The following RNF220 variants were observed in gnomAD, a reference collection of about 807,000 sequenced individuals.
RNF220 encodes the protein E3 ubiquitin-protein ligase RNF220.
Under a neutral mutation model 67.1 loss-of-function variants are expected in RNF220, and 7 were observed. The observed-to-expected ratio is 0.10, with a 90% CI of 0.06 to 0.20. The LOEUF is 0.20. Among genes scored for constraint, RNF220 ranks in the 10% least tolerant of loss-of-function variants. RNF220 has a pLI of 1.00. For synonymous variants in RNF220, 270 were observed against 283.2 expected (o/e 0.95, Z 0.47); for missense variants, 565 against 740.3 (o/e 0.76, Z 2.75).
chr1:44,597,445 G>A (rs572254815), intron 2 of RNF220, among the ~76,000 whole-genome samples: 2 of 145,148 alleles, frequency 1.4e-5, no homozygotes, highest in East Asian at 2.0e-4. Flanking sequence ...ATACATACAC[G>A]CCCTTCTCTC....
chr1:44,541,954 C>T (rs1301351636), intron 2 of RNF220, among the ~76,000 whole-genome samples: 1 of 152,200 alleles, frequency 6.6e-6, no homozygotes, highest in Non-Finnish European at 1.5e-5. Flanking sequence ...GGAGCAAGAC[C>T]TTTGCATCTC....
At chr1:44,625,630 C>G (rs1203171965) in intron 4 of RNF220, among the ~76,000 whole-genome samples, 1 of 152,074 alleles carries the variant, frequency 6.6e-6, no homozygotes, top group Non-Finnish European at 1.5e-5. Flanking sequence ...CTGAACAGGC[C>G]TTGGCAAGAG....
Position 44,622,738 on chromosome 1 carries a change from G to A in RNF220, c.759-4G>A. The A allele has an allele frequency of 6.2e-7, 1 of 1,613,674 alleles. No individual in the cohort carries two copies. Among genetic ancestry groups the A allele is most frequent in the Non-Finnish European group, 8.5e-7 (1 of 1,179,646 alleles). On this transcript the variant is annotated splice_region_variant and splice_polypyrimidine_tract_variant and intron_variant, in intron 3 of 14. Transcript: ENST00000361799. This position sits in a 1 kb window ranked among gnomAD's most constrained non-coding sequence, Gnocchi z 4.3. Reference sequence around the variant, plus strand: ...GGTTACCCTGTTCTCTTCTTTCTTGGCAGCAAGAATTCCCTTCTGAAGGAT... The same window carrying A: ...GGTTACCCTGTTCTCTTCTTTCTTGACAGCAAGAATTCCCTTCTGAAGGAT...
rs145858554 is a variant in RNF220 at position 44,412,311 on chromosome 1, A to G, written c.214A>G (p.Met72Val). ...FTNGSYTFASMYHRQGGVPGT... is the reference protein window; with the variant it reads ...FTNGSYTFASVYHRQGGVPGT... ...CAACGGTTCCTATACCTTTGCCTCT[A>G]TGTACCATCGGCAAGGTGGGGTGCC... Residue 72 changes from methionine (M) to valine (V), a missense_variant, in exon 2 of 15, where the codon ATG becomes GTG. Physicochemically the swap from Met to Val is conservative, Grantham distance 21 (BLOSUM62 1). Transcript: ENST00000361799. The surrounding 1 kb of genome is among the most constrained non-coding windows in gnomAD (Gnocchi z 5.3). The G allele has an allele frequency of 2.7e-5, 44 of 1,614,100 alleles. No individual in the cohort carries two copies. In the African/African-American group the frequency reaches 4.7e-4, roughly 17 times the overall value.
intron 2 of RNF220, among the ~76,000 whole-genome samples, chr1:44,581,303 ATTAGCCTGT>A (rs1005222212): frequency 3.9e-5 from 6 of 152,226 alleles, no homozygotes; most frequent in African/African-American, 1.4e-4. Context: ...ATCAGGATTC[ATTAGCCTGT>A]TTCAGCCTCT....
chr1:44,461,597 T>TA lies in RNF220; in HGVS notation c.625+48876dup, dbSNP rs368779684. Among the ~76,000 whole-genome samples, 849 of 152,276 alleles carry TA rather than the reference T, an allele frequency of 5.6e-3. 4 individuals carry two copies. Among genetic ancestry groups the TA allele is most frequent in the Non-Finnish European group, 8.1e-3 (549 of 68,034 alleles). ...CGGTCTCTTCTGTGTAGAGTTAACT[T>TA]ACTCCTGCCTGTCCTGGTATATAAA... On this transcript the variant is annotated intron_variant, in intron 2 of 14. Coordinates refer to ENST00000361799, the MANE Select transcript of RNF220 (RefSeq NM_018150.4).
chr1:44,409,949 GA>G (rs1358259262), intron 1 of RNF220, among the ~76,000 whole-genome samples: 1 of 152,196 alleles, frequency 6.6e-6, no homozygotes, highest in African/African-American at 2.4e-5. Flanking sequence ...CCCACGCAAT[GA>G]AGTAAAAGAG....
Position 44,651,141 on chromosome 1 carries a change from T to C in RNF220, c.*366T>C, listed in dbSNP as rs953668049. On this transcript the variant is annotated 3_prime_UTR_variant, in exon 15 of 15. Coordinates refer to ENST00000361799, the MANE Select transcript of RNF220 (RefSeq NM_018150.4). ...CATGCAAACACCAGACTGAAGCACA[T>C]GTAATATAGACCGTGTATGTTTACA... is the stretch of plus-strand genomic sequence containing the variant. 4 of 344,164 alleles carry C rather than the reference T, an allele frequency of 1.2e-5. No individual in the cohort carries two copies. The highest frequency in any genetic ancestry group is 2.3e-5 in the Non-Finnish European group (4 of 175,052). The allele number at this position is 344,164 out of a possible 1,614,324, so 21.3% of individuals were successfully genotyped here.
At chr1:44,599,393 T>A (rs1666763936) in intron 2 of RNF220, among the ~76,000 whole-genome samples, 1 of 152,100 alleles carries the variant, frequency 6.6e-6, no homozygotes. Context: ...ATAAATAGGG[T>A]CAGGCGCGGT....
rs143243310 is a variant in RNF220 at position 44,620,772 on chromosome 1, T to TTGTG, written c.759-1969_759-1966dup. Among the ~76,000 whole-genome samples the TTGTG allele has an allele frequency of 2.2e-3, 340 of 152,342 alleles. 1 individual carries two copies. Among genetic ancestry groups the TTGTG allele is most frequent in the African/African-American group, 7.7e-3 (321 of 41,580 alleles). On this transcript the variant is annotated intron_variant, in intron 3 of 14. Coordinates refer to ENST00000361799, the MANE Select transcript of RNF220 (RefSeq NM_018150.4). ...CTGGGATATACATATGTTATGTGTG[T>TTGTG]TGTGCATCTGTGTCTACATTTGTGG...
At chr1:44,495,637 T>G (rs1385714637) in intron 2 of RNF220, among the ~76,000 whole-genome samples, 4 of 152,248 alleles carry the variant, frequency 2.6e-5, no homozygotes, top group Non-Finnish European at 5.9e-5. Context: ...GGTTTCACCA[T>G]GTTGACCAGG....
chr1:44,534,365 G>A lies in RNF220; in HGVS notation c.626-79800G>A, dbSNP rs140328665. ...ATACTTTAAGTTTTAGGGTACATGC[G>A]CACAGTGTGCAGGTTTGTTACATAT... On this transcript the variant is annotated intron_variant, in intron 2 of 14. Transcript: ENST00000361799. Among the ~76,000 whole-genome samples the A allele has an allele frequency of 5.2e-3, 794 of 151,384 alleles. 4 individuals are homozygous for A. Among genetic ancestry groups the A allele is most frequent in the African/African-American group, 0.018 (756 of 41,200 alleles).
At chr1:44,607,194 T>C (rs568617647) in intron 2 of RNF220, among the ~76,000 whole-genome samples, 1 of 152,376 alleles carries the variant, frequency 6.6e-6, no homozygotes, top group African/African-American at 2.4e-5. Flanking sequence ...ACAGCCTTCC[T>C]GCACTTGCTC....
At position 44,650,845 on chromosome 1, in the gene RNF220, C is replaced by T; in HGVS notation, c.*70C>T. On this transcript the variant is annotated 3_prime_UTR_variant, in exon 15 of 15. Coordinates refer to ENST00000361799, the MANE Select transcript of RNF220 (RefSeq NM_018150.4). This position sits in a 1 kb window ranked among gnomAD's most constrained non-coding sequence, Gnocchi z 4.3. Reference sequence around the variant, plus strand: ...CCCCAGCCTCTGTGACAGTGACCGTCTCCCTTTGTACATACTTGCACACAG... The same window carrying T: ...CCCCAGCCTCTGTGACAGTGACCGTTTCCCTTTGTACATACTTGCACACAG... 1 of 1,424,484 alleles carries T rather than the reference C, an allele frequency of 7.0e-7. No individual in the cohort carries two copies. Among genetic ancestry groups the T allele is most frequent in the South Asian group, 1.1e-5 (1 of 87,300 alleles). 88.2% of individuals were successfully genotyped at this position (1,424,484 alleles called of 1,614,324 possible). A position where few individuals can be genotyped will look rare whatever the true frequency, so the allele number is the denominator to read the frequency against.
At chr1:44,510,383 C>T (rs1317369913) in intron 2 of RNF220, among the ~76,000 whole-genome samples, 1 of 152,146 alleles carries the variant, frequency 6.6e-6, no homozygotes, top group East Asian at 1.9e-4. Context: ...GCAGCACCTT[C>T]CTCCCCAAAC....
chr1:44,640,252 G>A (rs189766505), intron 8 of RNF220, among the ~76,000 whole-genome samples: 1 of 152,376 alleles, frequency 6.6e-6, no homozygotes. Flanking sequence ...GGGAGCCCCA[G>A]GTGCTAAAAA....
chr1:44,637,419 G>A (rs781467025), intron 8 of RNF220, among the ~76,000 whole-genome samples: 17 of 152,222 alleles, frequency 1.1e-4, no homozygotes, highest in Non-Finnish European at 1.8e-4. Flanking sequence ...GGCCCTAGAA[G>A]AGTGAGCAGC....
At chr1:44,466,672 G>A (rs1348337938) in intron 2 of RNF220, among the ~76,000 whole-genome samples, 1 of 152,172 alleles carries the variant, frequency 6.6e-6, no homozygotes, top group Non-Finnish European at 1.5e-5. Flanking sequence ...ATCTCCATCA[G>A]AGCACATGGG....
In RNF220 at chr1:44,465,123, G is replaced by T. The variant is rs145141834; in HGVS notation, c.625+52401G>T. ...GAAAGGAGATGGGGTTTCAGTTCAA[G>T]TCTGCGTGACCTGAAAACCCATACT... On this transcript the variant is annotated intron_variant, in intron 2 of 14. Coordinates refer to ENST00000361799, the MANE Select transcript of RNF220 (RefSeq NM_018150.4). Among the ~76,000 whole-genome samples the T allele has an allele frequency of 8.1e-3, 1,238 of 152,224 alleles. 7 individuals are homozygous for T. The highest frequency in any genetic ancestry group is 0.017 in the Middle Eastern group (5 of 294).
Sources: gnomAD v4.1 joint callset for allele counts (sites outside exome capture counted in the v4.1 genomes callset) on GRCh38, gnomAD v4.1.1 for gene constraint, Gnocchi (gnomAD v3.1) non-coding constraint, MANE v1.5 for transcripts, NCBI Gene and HGNC (gene_info 2026-07-23, HGNC 2026-07-21) for gene names.